Variants in RBFOX1 observed in about 807,000 individuals in gnomAD.
The protein encoded by RBFOX1 is RNA binding fox-1 homolog 1.
In RBFOX1, 8 loss-of-function variants were observed where a neutral mutation model predicts 57.7. That is an observed-to-expected ratio of 0.14 (90% CI 0.08 to 0.25). The LOEUF is 0.25. Among genes scored for constraint, RBFOX1 ranks in the 10% least tolerant of loss-of-function variants. The pLI is 1.00. For synonymous variants in RBFOX1, 326 were observed against 222.4 expected (o/e 1.47, Z -4.15); for missense variants, 611 against 548.5 (o/e 1.11, Z -1.14).
chr16:5,817,172 A>G (rs899527924), intron 3 of RBFOX1, among the ~76,000 whole-genome samples: 2 of 151,598 alleles, frequency 1.3e-5, no homozygotes, highest in African/African-American at 2.4e-5. Flanking sequence ...CTCTCTCTCT[A>G]TCTCTCTGTG....
chr16:7,184,993 A>T (rs1262293480), intron 4 of RBFOX1, among the ~76,000 whole-genome samples: 1 of 152,070 alleles, frequency 6.6e-6, no homozygotes, highest in Non-Finnish European at 1.5e-5. Context: ...CAATATGCAT[A>T]GGATAGCCCC....
intron 2 of RBFOX1, among the ~76,000 whole-genome samples, chr16:6,628,519 C>G (rs2098339975): frequency 6.6e-6 from 1 of 152,120 alleles, no homozygotes; most frequent in Non-Finnish European, 1.5e-5. Flanking sequence ...TTTGTTTTAT[C>G]TCTTATATAT....
Position 6,130,563 on chromosome 16 carries a change from C to T in RBFOX1, c.-127+110571C>T, listed in dbSNP as rs562250491. ...ACCAAGTGCAAGTGGACTAAACACT[C>T]CACTTAAAGAGCAGAGATTGTCAGA... On this transcript the variant is annotated intron_variant, in intron 1 of 15. Transcript: ENST00000550418. Among the ~76,000 whole-genome samples the T allele has an allele frequency of 3.7e-3, 557 of 152,182 alleles. 3 individuals are homozygous for T. Among genetic ancestry groups the T allele is most frequent in the Non-Finnish European group, 4.0e-3 (272 of 67,984 alleles).
At chr16:5,407,193 C>G (rs575978079) in intron 1 of RBFOX1, among the ~76,000 whole-genome samples, 32 of 152,240 alleles carry the variant, frequency 2.1e-4, no homozygotes, top group Admixed American at 1.5e-3. Flanking sequence ...ACCATCAGAT[C>G]TCTGAGAACT....
At chr16:6,149,474 T>A (rs1253010069) in intron 1 of RBFOX1, among the ~76,000 whole-genome samples, 1 of 152,232 alleles carries the variant, frequency 6.6e-6, no homozygotes, top group Non-Finnish European at 1.5e-5. Context: ...AAATTCTTAG[T>A]AATTATTCCG....
At chr16:5,557,084 C>G (rs1002279928) in intron 2 of RBFOX1, among the ~76,000 whole-genome samples, 2 of 151,826 alleles carry the variant, frequency 1.3e-5, no homozygotes, top group Non-Finnish European at 2.9e-5. Flanking sequence ...ACAGTGAAAC[C>G]CCATCTCTAC....
chr16:6,168,373 T>TA (rs2096933330), intron 1 of RBFOX1, among the ~76,000 whole-genome samples: 3 of 152,200 alleles, frequency 2.0e-5, no homozygotes, highest in Admixed American at 1.3e-4. Context: ...TATGAACAGC[T>TA]TAAGGAGAGG....
At chr16:7,489,389 C>T (rs2066312316) in intron 4 of RBFOX1, among the ~76,000 whole-genome samples, 2 of 152,118 alleles carry the variant, frequency 1.3e-5, no homozygotes, top group Admixed American at 1.3e-4. Context: ...GTGCCAGGTC[C>T]TAATGCCAAG....
intron 4 of RBFOX1, among the ~76,000 whole-genome samples, chr16:7,441,351 C>T (rs916527832): frequency 6.6e-6 from 1 of 152,186 alleles, no homozygotes; most frequent in South Asian, 2.1e-4. Flanking sequence ...AACTAAAAAC[C>T]CTACCTAATA....
chr16:6,856,119 T>C (rs78164371), intron 3 of RBFOX1, among the ~76,000 whole-genome samples: 1 of 151,750 alleles, frequency 6.6e-6, no homozygotes, highest in Non-Finnish European at 1.5e-5. Flanking sequence ...TTCTTCCCTT[T>C]CCTTCCCTTC....
intron 4 of RBFOX1, among the ~76,000 whole-genome samples, chr16:7,222,821 A>T (rs1397289862): frequency 6.6e-6 from 1 of 152,214 alleles, no homozygotes. Flanking sequence ...GGTACTCATC[A>T]TGAAAGACTG....
At chr16:6,818,273 C>A (rs1401425419) in intron 3 of RBFOX1, among the ~76,000 whole-genome samples, 1 of 151,968 alleles carries the variant, frequency 6.6e-6, no homozygotes, top group African/African-American at 2.4e-5. Context: ...GCTTGTGTAG[C>A]TGGATTCACC....
intron 1 of RBFOX1, among the ~76,000 whole-genome samples, chr16:5,465,979 G>A (rs2151607461): frequency 6.6e-6 from 1 of 152,270 alleles, no homozygotes; most frequent in African/African-American, 2.4e-5. Context: ...AGCCCTTGAT[G>A]GGACCAGTTG....
chr16:7,203,935 T>A (rs2089321048), intron 4 of RBFOX1, among the ~76,000 whole-genome samples: 3 of 152,260 alleles, frequency 2.0e-5, no homozygotes, highest in African/African-American at 7.2e-5. Context: ...ACATATGATT[T>A]GCATCTGCTT....
Position 6,326,215 on chromosome 16 carries a change from A to C in RBFOX1, c.-64+9158A>C, listed in dbSNP as rs1188467358. Among the ~76,000 whole-genome samples, 5 of 152,296 alleles carry C rather than the reference A, an allele frequency of 3.3e-5. No homozygotes were observed. The East Asian group carries it at 5.8e-4, about 18-fold the overall frequency. ...AATGCCATCATTCCTTCCTTCCTTC[A>C]TTCATTGATTCATTCATAAATAGCT... is the stretch of plus-strand genomic sequence containing the variant. On this transcript the variant is annotated intron_variant, in intron 2 of 15. Transcript: ENST00000550418.
At chr16:6,232,886 C>T (rs778544000) in intron 1 of RBFOX1, among the ~76,000 whole-genome samples, 2 of 152,162 alleles carry the variant, frequency 1.3e-5, no homozygotes, top group African/African-American at 2.4e-5. Flanking sequence ...GTAGCATCCA[C>T]ATGTCCAGTC....
intron 2 of RBFOX1, among the ~76,000 whole-genome samples, chr16:6,396,919 A>G (rs558394067): frequency 2.6e-5 from 4 of 152,246 alleles, no homozygotes; most frequent in Non-Finnish European, 5.9e-5. Flanking sequence ...AAAATATTTG[A>G]AATGACAGTT....
chr16:6,490,709 C>G (rs1038761313), intron 2 of RBFOX1, among the ~76,000 whole-genome samples: 1 of 152,128 alleles, frequency 6.6e-6, no homozygotes, highest in Non-Finnish European at 1.5e-5. Flanking sequence ...ATATTAAAGT[C>G]TCAAAAAGGG....
At chr16:7,569,104 A>G (rs556157730) in intron 5 of RBFOX1, among the ~76,000 whole-genome samples, 73 of 152,084 alleles carry the variant, frequency 4.8e-4, no homozygotes, top group African/African-American at 1.7e-3. Flanking sequence ...CCAGCACACC[A>G]TGGCTCTAAA....
Sources: gnomAD v4.1 joint callset for allele counts (sites outside exome capture counted in the v4.1 genomes callset) on GRCh38, gnomAD v4.1.1 for gene constraint, MANE v1.5 for transcripts, NCBI Gene and HGNC (gene_info 2026-07-23, HGNC 2026-07-21) for gene names.